Variants in ABTB1 observed in about 807,000 individuals in gnomAD.
ABTB1 encodes ankyrin repeat and BTB/POZ domain-containing protein 1.
Under a neutral mutation model 57.1 loss-of-function variants are expected in ABTB1, and 45 were observed. That is an observed-to-expected ratio of 0.79 (90% CI 0.62 to 1.01). The LOEUF is 1.01. ABTB1 is among the 50% of genes least tolerant of loss of function. The pLI is 0.00. For missense variants in ABTB1, 630 were observed against 666.3 expected (o/e 0.95, Z 0.60); for synonymous variants, 302 against 275.4 (o/e 1.10, Z -0.95).
In ABTB1 at chr3:127,680,617, C is replaced by T. The variant is rs764618565; in HGVS notation, c.*142C>T. ...GAGGGGCTCAGTGGGGCTTCTCTTCCCTCCATGAGCCTGGAGACCCCAGGG... is the reference window on the plus strand; with the variant it reads ...GAGGGGCTCAGTGGGGCTTCTCTTCTCTCCATGAGCCTGGAGACCCCAGGG... On this transcript the variant is annotated 3_prime_UTR_variant, in exon 12 of 12. Transcript: ENST00000232744. The T allele has an allele frequency of 9.6e-7, 1 of 1,042,114 alleles. No individual in the cohort carries two copies. Among genetic ancestry groups the T allele is most frequent in the South Asian group, 1.3e-5 (1 of 77,898 alleles). The allele number at this position is 1,042,114 out of a possible 1,614,324, so 64.6% of individuals were successfully genotyped here.
rs775900330 is a variant in ABTB1 at position 127,676,411 on chromosome 3, G to A, written c.460G>A (p.Val154Met). Reference protein sequence around the residue: ...LDTKWKGKSVVVLRHPLINPV... With the variant: ...LDTKWKGKSVMVLRHPLINPV... Reference sequence around the variant, plus strand: ...CACCAAATGGAAGGGCAAGAGTGTCGTGGTTCTCAGGCACCCACTGGTATG... The same window carrying A: ...CACCAAATGGAAGGGCAAGAGTGTCATGGTTCTCAGGCACCCACTGGTATG... The change falls in exon 5 of 12, where the codon GTG (valine) becomes ATG (methionine). Residue 154 changes from valine to methionine, a missense_variant. Coordinates refer to ENST00000232744, the MANE Select transcript of ABTB1 (RefSeq NM_172027.3). This position sits in a 1 kb window ranked among gnomAD's most constrained non-coding sequence, Gnocchi z 5.4. 28 of 1,614,000 alleles carry A rather than the reference G, an allele frequency of 1.7e-5. No individual in the cohort carries two copies. Among genetic ancestry groups the A allele is most frequent in the Middle Eastern group, 1.6e-4 (1 of 6,084 alleles).
Position 127,676,963 on chromosome 3 carries a change from C to G in ABTB1, c.527-4C>G, listed in dbSNP as rs750836242. The G allele has an allele frequency of 1.9e-5, 30 of 1,612,958 alleles. No individual in the cohort carries two copies. Among genetic ancestry groups the G allele is most frequent in the Non-Finnish European group, 2.5e-5 (30 of 1,179,526 alleles). ...CAGGCCCTCATCCTCCCCACTGCCC[C>G]CAGGCCGCCTGGACATTGGCGTAGA... On this transcript the variant is annotated splice_polypyrimidine_tract_variant and splice_region_variant and intron_variant, in intron 6 of 11. Transcript: ENST00000232744. The surrounding 1 kb of genome is among the most constrained non-coding windows in gnomAD (Gnocchi z 5.4).
chr3:127,676,197 A>G lies in ABTB1; in HGVS notation c.321-75A>G. The G allele has an allele frequency of 6.2e-7, 1 of 1,605,636 alleles. No individual in the cohort carries two copies. The highest frequency in any genetic ancestry group is 1.1e-5 in the South Asian group (1 of 90,806). On this transcript the variant is annotated intron_variant, in intron 4 of 11. Coordinates refer to ENST00000232744, the MANE Select transcript of ABTB1 (RefSeq NM_172027.3). This position sits in a 1 kb window ranked among gnomAD's most constrained non-coding sequence, Gnocchi z 5.4. ...CGAGTCTGCTCTGACTGTGGCCTGC[A>G]CTGGGTTCTGAGTGCTCCGAGGAAT...
At position 127,677,692 on chromosome 3, in the gene ABTB1, G is replaced by C; in HGVS notation, c.878G>C (p.Arg293Pro). Residue 293 changes from arginine (R) to proline (P), a missense_variant, in exon 10 of 12, where the codon CGC becomes CCC. By Grantham distance (103) the Arg-to-Pro change is moderately radical. Transcript: ENST00000232744. Reference sequence around the variant, plus strand: ...CTCCCCCAGGCCTTTTTCTGTGGCCGCAGTGACTACTTCCGAGCCCTGCTG... The same window carrying C: ...CTCCCCCAGGCCTTTTTCTGTGGCCCCAGTGACTACTTCCGAGCCCTGCTG... ...FLCHKAFFCGRSDYFRALLDD... is the reference protein window; with the variant it reads ...FLCHKAFFCGPSDYFRALLDD... The C allele has an allele frequency of 6.2e-7, 1 of 1,609,524 alleles. No individual in the cohort carries two copies. The highest frequency in any genetic ancestry group is 8.5e-7 in the Non-Finnish European group (1 of 1,177,868).
chr3:127,679,794 C>G, intron 10 of ABTB1, 191 bp from the exon 11 acceptor site: 2 of 360,674 alleles, frequency 5.5e-6, no homozygotes, highest in Non-Finnish European at 1.1e-5. Context: ...CCCTAGCGGT[C>G]CTGCAGATCC....
intron 1 of ABTB1, chr3:127,674,076 C>T: frequency 2.4e-6 from 1 of 415,658 alleles, no homozygotes. Context: ...GGAGTGAAGG[C>T]TCCATCACCT....
chr3:127,677,395 C>A, intron 8 of ABTB1, 70 bp from the exon 9 acceptor site: 1 of 1,584,584 alleles, frequency 6.3e-7, no homozygotes, highest in African/African-American at 1.3e-5. Context: ...CAGTTACTTC[C>A]CTTTTCTGAA....
intron 2 of ABTB1, 35 bp downstream of exon 2, chr3:127,674,488 G>C (rs1273720168): frequency 6.2e-7 from 1 of 1,613,046 alleles, no homozygotes. Context: ...GAGGGTGGGG[G>C]TTGGTGCACC....
rs760876224 is a variant in ABTB1, at chr3:127,674,413, G to C, written c.79G>C (p.Val27Leu). The C allele has an allele frequency of 2.5e-6, 4 of 1,611,702 alleles. No individual in the cohort carries two copies. The highest frequency in any genetic ancestry group is 3.4e-6 in the Non-Finnish European group (4 of 1,179,240). ...RVRYLLEQRD[V>L]EVNVRDKWDS... ...CAGGTACCTGCTGGAGCAGCGAGAC[G>C]TGGAGGTGAATGTGCGGGACAAGTG... Residue 27 changes from valine to leucine, a missense_variant, in exon 2 of 12, where the codon GTG (valine) becomes CTG (leucine). Physicochemically the swap from Val to Leu is conservative, Grantham distance 32 (BLOSUM62 1). This residue lies in a region of ABTB1 where 579 missense variants were observed against 585.9 expected (regional missense o/e 0.99). Transcript: ENST00000232744.
At position 127,676,323 on chromosome 3, in the gene ABTB1, G is replaced by T. The variant is rs1469072581; in HGVS notation, c.372G>T (p.Lys124Asn). 6.2e-7 allele frequency: 1 copy of T among 1,614,028 alleles called. No homozygotes were observed. Among genetic ancestry groups the T allele is most frequent in the East Asian group, 2.2e-5 (1 of 44,886 alleles). ...ACGTGGTCTTTGTAGTACACGGGAA[G>T]CCATTCCGGGTGCATCGCTGCGTCC... ...HSDVVFVVHG[K>N]PFRVHRCVLG... Residue 124 changes from lysine (K) to asparagine (N), a missense_variant, in exon 5 of 12, where the codon AAG (lysine) becomes AAT (asparagine). Physicochemically the swap from Lys to Asn is moderately conservative, Grantham distance 94 (BLOSUM62 0). This residue lies in a region of ABTB1 where 579 missense variants were observed against 585.9 expected (regional missense o/e 0.99). Coordinates refer to ENST00000232744, the MANE Select transcript of ABTB1 (RefSeq NM_172027.3). This position sits in a 1 kb window ranked among gnomAD's most constrained non-coding sequence, Gnocchi z 5.4.
intron 10 of ABTB1, chr3:127,678,123 G>A: frequency 5.5e-6 from 2 of 362,790 alleles, no homozygotes; most frequent in South Asian, 3.3e-5. Flanking sequence ...GAGGGTGGAG[G>A]GTGGGTGGGG....
chr3:127,677,480 C>A lies in ABTB1; in HGVS notation c.778C>A (p.Leu260Met), dbSNP rs777720950. 1 of 1,614,134 alleles carries A rather than the reference C, an allele frequency of 6.2e-7. No homozygotes were observed. The highest frequency in any genetic ancestry group is 2.2e-5 in the East Asian group (1 of 44,890). ...TGTACCCCAGGGTGATCTTTGGGAG[C>A]TGCCCTTCCCTTGTCCTGACGGCTT... is the stretch of plus-strand genomic sequence containing the variant. ...PPELRGDLWE[L>M]PFPCPDGFNS... Residue 260 changes from leucine (L) to methionine (M), a missense_variant, in exon 9 of 12, where the codon CTG becomes ATG. This residue lies in a region of ABTB1 where 579 missense variants were observed against 585.9 expected (regional missense o/e 0.99). Transcript: ENST00000232744.
In ABTB1 at chr3:127,680,918, G is replaced by A. The variant is rs1343030845; in HGVS notation, c.*443G>A. On this transcript the variant is annotated 3_prime_UTR_variant, in exon 12 of 12. Transcript: ENST00000232744. ...GGCAATAAAGCTTGAAGGCACCGTG[G>A]GAGCATGAGCCTGTGTCCTGGGGTA... The A allele has an allele frequency of 5.8e-6, 3 of 514,438 alleles. No homozygotes were observed. The African/African-American group carries it at 5.9e-5, about 10-fold the overall frequency. 31.9% of individuals were successfully genotyped at this position (514,438 alleles called of 1,614,324 possible).
chr3:127,673,238 CG>C (rs2074890840), intron 1 of ABTB1, 157 bp downstream of exon 1: 1 of 679,192 alleles, frequency 1.5e-6, no homozygotes, highest in Non-Finnish European at 2.1e-6. Context: ...CCCGGACCCC[CG>C]CCGCAGCCCC....
chr3:127,675,735 T>G, intron 3 of ABTB1: 1 of 580,570 alleles, frequency 1.7e-6, no homozygotes, highest in South Asian at 2.1e-5. Flanking sequence ...CTCCGTTCTG[T>G]GTTGTCTGTC....
intron 3 of ABTB1, 147 bp from the exon 4 acceptor site, chr3:127,675,823 T>A: frequency 9.3e-7 from 1 of 1,069,654 alleles, no homozygotes; most frequent in Non-Finnish European, 1.3e-6. Flanking sequence ...GGGAGGGTGT[T>A]GGGGTCAGAG....
chr3:127,673,032 A>G lies in ABTB1; in HGVS notation c.7A>G (p.Thr3Ala). The change falls in exon 1 of 12, where the codon ACC becomes GCC. Residue 3 changes from threonine (T) to alanine (A), a missense_variant. Physicochemically the swap from Thr to Ala is moderately conservative, Grantham distance 58. Coordinates refer to ENST00000232744, the MANE Select transcript of ABTB1 (RefSeq NM_172027.3). Reference protein sequence around the residue: MDTSDLFASCRKG... With the variant: MDASDLFASCRKG... ...GGGTACCATCCTCCGCGCCATGGAC[A>G]CCAGCGACCTGTTCGCCAGCTGCAG... 2 of 1,571,192 alleles carry G rather than the reference A, an allele frequency of 1.3e-6. No homozygotes were observed. The highest frequency in any genetic ancestry group is 1.2e-5 in the South Asian group (1 of 86,726).
rs750836242 is a variant in ABTB1, at chr3:127,676,963, C to A, written c.527-4C>A. On this transcript the variant is annotated splice_polypyrimidine_tract_variant and splice_region_variant and intron_variant, in intron 6 of 11. Coordinates refer to ENST00000232744, the MANE Select transcript of ABTB1 (RefSeq NM_172027.3). The surrounding 1 kb of genome is among the most constrained non-coding windows in gnomAD (Gnocchi z 5.4). Reference sequence around the variant, plus strand: ...CAGGCCCTCATCCTCCCCACTGCCCCCAGGCCGCCTGGACATTGGCGTAGA... The same window carrying A: ...CAGGCCCTCATCCTCCCCACTGCCCACAGGCCGCCTGGACATTGGCGTAGA... The A allele has an allele frequency of 1.2e-6, 2 of 1,613,076 alleles. No individual in the cohort carries two copies. The highest frequency in any genetic ancestry group is 1.7e-6 in the Non-Finnish European group (2 of 1,179,518).
Position 127,680,676 on chromosome 3 carries a change from A to G in ABTB1, c.*201A>G, listed in dbSNP as rs149790331. ...ATTTGGGATGAGCCCCCTCCCCCCA[A>G]TGCACAAGCCAGCCCCCAAGACCCT... On this transcript the variant is annotated 3_prime_UTR_variant, in exon 12 of 12. Transcript: ENST00000232744. 5.7e-4 allele frequency: 431 copies of G among 749,664 alleles called. 3 individuals carry two copies. The East Asian group carries it at 8.7e-3, about 15-fold the overall frequency. The allele number at this position is 749,664 out of a possible 1,614,324, so 46.4% of individuals were successfully genotyped here.
Sources: allele counts gnomAD v4.1 joint callset, GRCh38; gene constraint gnomAD v4.1.1; regional missense constraint gnomAD v4.1.1; non-coding constraint Gnocchi (gnomAD v3.1); transcripts MANE v1.5; gene names NCBI Gene and HGNC (gene_info 2026-07-23, HGNC 2026-07-21).